The following ENTPD1 variants were observed in gnomAD, a reference collection of about 807,000 sequenced individuals.
The protein encoded by ENTPD1 is ectonucleoside triphosphate diphosphohydrolase 1.
In ENTPD1, 33 loss-of-function variants were observed where a neutral mutation model predicts 57.0. The observed-to-expected ratio is 0.58, with a 90% CI of 0.44 to 0.77. The LOEUF (loss-of-function observed/expected upper bound fraction) is 0.77. Ranked by LOEUF, ENTPD1 falls within the 30% of genes least tolerant of loss-of-function variation. The probability of loss-of-function intolerance (pLI) is 0.00; values close to 1 mark genes in which losing one functional copy is unlikely to be tolerated. For missense variants in ENTPD1, 501 were observed against 603.4 expected (o/e 0.83, Z 1.78); for synonymous variants, 202 against 218.8 (o/e 0.92, Z 0.68).
chr10:95,764,956 A>C (rs2098082768), intron 1 of ENTPD1, among the ~76,000 whole-genome samples: 1 of 152,068 alleles, frequency 6.6e-6, no homozygotes, highest in Admixed American at 6.6e-5. Context: ...TCCTGACCTC[A>C]GGTGATCCAC....
At chr10:95,778,414 C>A (rs937267075) in intron 1 of ENTPD1, among the ~76,000 whole-genome samples, 9 of 152,126 alleles carry the variant, frequency 5.9e-5, no homozygotes, top group Non-Finnish European at 1.3e-4. Context: ...AGAAAATATC[C>A]AACTTCACTG....
chr10:95,700,448 C>T, the ENTPD1 span, among the ~76,000 whole-genome samples: 9 of 152,194 alleles, frequency 5.9e-5, no homozygotes, highest in East Asian at 7.7e-4. Flanking sequence ...GCAGGAGGAT[C>T]GCTTGAGGCT....
chr10:95,819,146 T>C (rs2098339875), intron 1 of ENTPD1, among the ~76,000 whole-genome samples: 1 of 152,164 alleles, frequency 6.6e-6, no homozygotes, highest in African/African-American at 2.4e-5. Context: ...GAATTTTGAC[T>C]ATGGACAAAA....
At chr10:95,800,253 G>T (rs772277913) in intron 1 of ENTPD1, among the ~76,000 whole-genome samples, 9 of 152,152 alleles carry the variant, frequency 5.9e-5, no homozygotes, top group Non-Finnish European at 1.2e-4. Context: ...TCACGTATTG[G>T]TAGGACTGTG....
At chr10:95,842,730 G>A (rs1307799744) in intron 4 of ENTPD1, among the ~76,000 whole-genome samples, 1 of 152,172 alleles carries the variant, frequency 6.6e-6, no homozygotes, top group South Asian at 2.1e-4. Flanking sequence ...TCCCTATGGG[G>A]GATTCAAAGG....
chr10:95,760,643 G>C (rs1406008959), intron 1 of ENTPD1, among the ~76,000 whole-genome samples: 1 of 151,998 alleles, frequency 6.6e-6, no homozygotes, highest in Non-Finnish European at 1.5e-5. Flanking sequence ...ATTGCATTTT[G>C]AGAGTGCTTT....
chr10:95,798,729 C>G (rs1405482800), intron 1 of ENTPD1, among the ~76,000 whole-genome samples: 1 of 152,146 alleles, frequency 6.6e-6, no homozygotes, highest in African/African-American at 2.4e-5. Context: ...CAAGTCATTT[C>G]CAAGTACCAT....
At chr10:95,752,011 C>T (rs1352528171), upstream of ENTPD1, among the ~76,000 whole-genome samples, 1 of 152,116 alleles carries the variant, frequency 6.6e-6, no homozygotes, top group African/African-American at 2.4e-5. Context: ...AAGGAGCCAT[C>T]ATACACAGAT....
chr10:95,713,328 A>C (rs993280679), intron 1 of ENTPD1, among the ~76,000 whole-genome samples: 1 of 152,062 alleles, frequency 6.6e-6, no homozygotes, highest in African/African-American at 2.4e-5. Context: ...TTTTTTTCTT[A>C]AAAAGAAGAT....
intron 2 of ENTPD1, among the ~76,000 whole-genome samples, chr10:95,832,529 G>A (rs4917714): frequency 0.54 from 81,937 of 151,920 alleles, 22,519 homozygotes; most frequent in Admixed American, 0.63. Context: ...TTGTCTACTC[G>A]TAACTGAACA....
chr10:95,789,770 T>G (rs1313544793), intron 1 of ENTPD1, among the ~76,000 whole-genome samples: 2 of 152,136 alleles, frequency 1.3e-5, no homozygotes, highest in Non-Finnish European at 2.9e-5. Flanking sequence ...TTGATAGAAA[T>G]TTAAACAAAT....
At chr10:95,763,539 T>C (rs1050738141) in intron 1 of ENTPD1, among the ~76,000 whole-genome samples, 1 of 152,224 alleles carries the variant, frequency 6.6e-6, no homozygotes, top group Non-Finnish European at 1.5e-5. Context: ...ATTGGATATT[T>C]ATTAATCAAT....
chr10:95,722,828 A>G (rs1401495971), intron 1 of ENTPD1, among the ~76,000 whole-genome samples: 1 of 152,162 alleles, frequency 6.6e-6, no homozygotes, highest in Non-Finnish European at 1.5e-5. Context: ...GGTTAAGGGA[A>G]TTTTCAGTGG....
chr10:95,724,161 C>CAAAAAAAAAAA (rs35316347), intron 1 of ENTPD1, among the ~76,000 whole-genome samples: 1 of 50,348 alleles, frequency 2.0e-5, no homozygotes, highest in Non-Finnish European at 3.3e-5. Context: ...GACTCTGTCT[C>CAAAAAAAAAAA]AAAAAAAAAA....
chr10:95,721,081 TCCTTTAAGACTAGTTGG>T (rs1434165757), intron 1 of ENTPD1, among the ~76,000 whole-genome samples: 1 of 152,198 alleles, frequency 6.6e-6, no homozygotes, highest in Non-Finnish European at 1.5e-5. Context: ...GATAAACTTA[TCCTTTAAGACTAGTTGG>T]CCTTCAATAG....
At chr10:95,806,908 A>G (rs1290231670) in intron 1 of ENTPD1, among the ~76,000 whole-genome samples, 1 of 152,098 alleles carries the variant, frequency 6.6e-6, no homozygotes, top group Non-Finnish European at 1.5e-5. Context: ...ACCCGCCTAT[A>G]TGAGGTGTCT....
At chr10:95,703,654 C>T in the ENTPD1 span, among the ~76,000 whole-genome samples, 20 of 151,054 alleles carry the variant, frequency 1.3e-4, no homozygotes, top group African/African-American at 3.9e-4. Flanking sequence ...TGGTGGCAGG[C>T]GCCTGTAATC....
chr10:95,699,320 C>T, the ENTPD1 span, among the ~76,000 whole-genome samples: 1 of 152,080 alleles, frequency 6.6e-6, no homozygotes, highest in African/African-American at 2.4e-5. Flanking sequence ...AAGAAAAATG[C>T]ACATTTGGGC....
At position 95,791,296 on chromosome 10, in the gene ENTPD1, C is replaced by T. The variant is rs1004382017; in HGVS notation, c.17-31941C>T. ...GAGAAGGACATTACAAACTGAAGGG[C>T]ATCTAGTGGAGGGTAATTAGGGTGA... On this transcript the variant is annotated intron_variant, in intron 1 of 9. Coordinates refer to ENST00000371205, the MANE Select transcript of ENTPD1 (RefSeq NM_001776.6). The surrounding 1 kb of genome is among the most constrained non-coding windows in gnomAD (Gnocchi z 4.1). 2.6e-5 allele frequency among the ~76,000 whole-genome samples: 4 copies of T among 152,036 alleles called. No individual in the cohort carries two copies. The highest frequency in any genetic ancestry group is 9.7e-5 in the African/African-American group (4 of 41,400).
Sources: gnomAD v4.1 joint callset for allele counts (sites outside exome capture counted in the v4.1 genomes callset) on GRCh38, gnomAD v4.1.1 for gene constraint, Gnocchi (gnomAD v3.1) non-coding constraint, MANE v1.5 for transcripts, NCBI Gene and HGNC (gene_info 2026-07-23, HGNC 2026-07-21) for gene names.